EYS: variants seen among roughly 807,000 people sequenced by gnomAD.
The protein encoded by EYS is protein eyes shut homolog.
EYS carries 250 observed loss-of-function variants against 282.1 expected under a neutral mutation model. The ratio of observed to expected loss-of-function variants is 0.89; its 90% CI spans 0.80 to 0.98. The LOEUF is 0.98. Ranked by LOEUF, EYS falls within the 50% of genes least tolerant of loss-of-function variation. The pLI, the probability that EYS is intolerant of heterozygous loss-of-function variation, is 0.00. For missense variants in EYS, 4,016 were observed against 3,709.0 expected, an observed-to-expected ratio of 1.08 and a Z score of -2.15; for synonymous variants, 1,355 against 1,282.9, an observed-to-expected ratio of 1.06 and a Z score of -1.20.
intron 26 of EYS, among the ~76,000 whole-genome samples, chr6:64,563,113 T>C (rs531461346): frequency 2.0e-5 from 3 of 152,052 alleles, no homozygotes; most frequent in Non-Finnish European, 2.9e-5. Flanking sequence ...TACTTAGTTT[T>C]AGAGATGAAA....
At chr6:63,877,763 G>T (rs964425471) in intron 35 of EYS, among the ~76,000 whole-genome samples, 1 of 152,074 alleles carries the variant, frequency 6.6e-6, no homozygotes, top group African/African-American at 2.4e-5. Flanking sequence ...GATCAAATCG[G>T]CTACTGAAGC....
chr6:64,212,030 C>T (rs1306749680), intron 31 of EYS, among the ~76,000 whole-genome samples: 3 of 151,998 alleles, frequency 2.0e-5, no homozygotes, highest in Admixed American at 6.6e-5. Context: ...GCAGGAGAAC[C>T]GCTTGAACCC....
rs1459366534 is a variant in EYS at position 65,319,111 on chromosome 6, C to A, written c.1766+15869G>T. ...TGGTGTCTCAGGCCTGTAATCCCAG[C>A]ACTTTGAGAGGCCAAGGCAGGTGGA... On this transcript the variant is annotated intron_variant, in intron 11 of 42. Transcript: ENST00000503581. Among the ~76,000 whole-genome samples, 4 of 144,972 alleles carry A rather than the reference C, an allele frequency of 2.8e-5. No individual in the cohort carries two copies. The East Asian group carries it at 6.0e-4, about 22-fold the overall frequency.
At chr6:63,742,647 C>T (rs1387991127) in intron 41 of EYS, among the ~76,000 whole-genome samples, 1 of 152,052 alleles carries the variant, frequency 6.6e-6, no homozygotes, top group Non-Finnish European at 1.5e-5. Flanking sequence ...TTTTCAGAAC[C>T]AGTTCTCTTA....
intron 22 of EYS, among the ~76,000 whole-genome samples, chr6:64,758,437 G>GT (rs747676166): frequency 6.6e-5 from 10 of 151,888 alleles, no homozygotes; most frequent in African/African-American, 9.7e-5. Context: ...TGGGTGTTTG[G>GT]TTTTTTTTGA....
chr6:64,398,024 C>A (rs1292554555), intron 28 of EYS, among the ~76,000 whole-genome samples: 1 of 151,626 alleles, frequency 6.6e-6, no homozygotes, highest in African/African-American at 2.4e-5. Flanking sequence ...TTTTTCTGGT[C>A]ATTTTTTAAT....
intron 12 of EYS, among the ~76,000 whole-genome samples, chr6:65,119,930 G>T (rs987193867): frequency 6.6e-6 from 1 of 151,266 alleles, no homozygotes; most frequent in Non-Finnish European, 1.5e-5. Context: ...GAGGTCAGGA[G>T]ATCGAGACCA....
intron 1 of EYS, among the ~76,000 whole-genome samples, chr6:65,706,132 A>G (rs1044799027): frequency 2.0e-5 from 3 of 151,714 alleles, no homozygotes; most frequent in Admixed American, 2.0e-4. Flanking sequence ...ATCACATTTA[A>G]TAATTTTAGG....
intron 2 of EYS, among the ~76,000 whole-genome samples, chr6:65,554,084 G>A (rs1349976291): frequency 1.3e-5 from 2 of 152,090 alleles, no homozygotes; most frequent in Non-Finnish European, 2.9e-5. Flanking sequence ...GTAAGGATAT[G>A]AGAAGACGGC....
chr6:65,524,914 C>T (rs372842749), intron 2 of EYS, among the ~76,000 whole-genome samples: 2 of 152,144 alleles, frequency 1.3e-5, no homozygotes, highest in African/African-American at 4.8e-5. Flanking sequence ...CATGTGAGGG[C>T]CTCAGTGTTT....
chr6:63,792,917 G>A (rs2149672809), intron 37 of EYS, among the ~76,000 whole-genome samples: 1 of 152,326 alleles, frequency 6.6e-6, no homozygotes, highest in South Asian at 2.1e-4. Flanking sequence ...AGTGGTAACA[G>A]AGGAGACCCA....
At chr6:65,384,917 G>A (rs2150352238) in intron 7 of EYS, among the ~76,000 whole-genome samples, 1 of 151,988 alleles carries the variant, frequency 6.6e-6, no homozygotes, top group Non-Finnish European at 1.5e-5. Flanking sequence ...AGGATAGAGT[G>A]CCAGTGGATG....
At chr6:64,481,974 TG>T (rs1048771352) in intron 26 of EYS, among the ~76,000 whole-genome samples, 2 of 151,704 alleles carry the variant, frequency 1.3e-5, no homozygotes, top group African/African-American at 4.8e-5. Flanking sequence ...AGTAAGTTAA[TG>T]CATATATTCA....
intron 13 of EYS, among the ~76,000 whole-genome samples, chr6:64,999,674 C>T (rs997559675): frequency 4.6e-5 from 7 of 152,170 alleles, no homozygotes; most frequent in African/African-American, 1.7e-4. Flanking sequence ...AGAAACACAT[C>T]AGGGGAAGAA....
intron 35 of EYS, among the ~76,000 whole-genome samples, chr6:63,928,830 A>G (rs936980518): frequency 1.1e-4 from 16 of 152,332 alleles, no homozygotes; most frequent in African/African-American, 2.6e-4. Context: ...CACAATTACC[A>G]AAACCCACCT....
chr6:65,082,936 G>A (rs935470735), intron 12 of EYS, among the ~76,000 whole-genome samples: 3 of 151,974 alleles, frequency 2.0e-5, no homozygotes, highest in Non-Finnish European at 4.4e-5. Flanking sequence ...GAAGTAAACA[G>A]ATAGATAAAA....
chr6:64,602,183 T>C (rs1452112366), intron 24 of EYS, among the ~76,000 whole-genome samples: 1 of 152,044 alleles, frequency 6.6e-6, no homozygotes, highest in Non-Finnish European at 1.5e-5. Context: ...GAAGCCTATC[T>C]CCATTCCATC....
At chr6:64,426,764 T>C (rs1410086281) in intron 28 of EYS, among the ~76,000 whole-genome samples, 2 of 152,142 alleles carry the variant, frequency 1.3e-5, no homozygotes, top group Non-Finnish European at 2.9e-5. Context: ...TATGTGACCA[T>C]TCTGTTCTAA....
intron 22 of EYS, among the ~76,000 whole-genome samples, chr6:64,791,169 C>A (rs1774179668): frequency 6.6e-6 from 1 of 151,936 alleles, no homozygotes; most frequent in South Asian, 2.1e-4. Flanking sequence ...ATATCCAATC[C>A]ATTTTAGCCT....
Sources: gnomAD v4.1 joint callset for allele counts (sites outside exome capture counted in the v4.1 genomes callset) on GRCh38, gnomAD v4.1.1 for gene constraint, MANE v1.5 for transcripts, NCBI Gene and HGNC (gene_info 2026-07-23, HGNC 2026-07-21) for gene names.